The following ELAVL4 variants were observed in gnomAD, a reference collection of about 807,000 sequenced individuals.
ELAVL4 encodes the protein ELAV-like protein 4.
ELAVL4 carries 1 observed loss-of-function variant against 35.6 expected under a neutral mutation model. The ratio of observed to expected loss-of-function variants is 0.03; its 90% CI spans 0.01 to 0.13. The LOEUF is 0.13. Among genes scored for constraint, ELAVL4 ranks in the 10% least tolerant of loss-of-function variants. ELAVL4 has a pLI of 1.00. For missense variants in ELAVL4, 267 were observed against 464.9 expected (o/e 0.57, Z 3.91); for synonymous variants, 156 against 171.0 (o/e 0.91, Z 0.69).
intron 1 of ELAVL4, among the ~76,000 whole-genome samples, chr1:50,093,905 T>TA (rs1665601047): frequency 6.6e-6 from 1 of 152,244 alleles, no homozygotes; most frequent in Non-Finnish European, 1.5e-5. Flanking sequence ...TGATGTATGT[T>TA]ATTTAACCTC....
At chr1:50,100,410 G>A (rs564979024), upstream of ELAVL4, among the ~76,000 whole-genome samples, 39 of 152,246 alleles carry the variant, frequency 2.6e-4, no homozygotes, top group East Asian at 4.8e-3. Flanking sequence ...GCTAGGATGC[G>A]ATGGCTGTCA....
intron 2 of ELAVL4, among the ~76,000 whole-genome samples, chr1:50,148,636 C>T (rs960454871): frequency 2.6e-5 from 4 of 152,138 alleles, no homozygotes; most frequent in Non-Finnish European, 4.4e-5. Flanking sequence ...TGTGTACAGC[C>T]GTGACACATC....
At chr1:50,197,788 C>T (rs893638992) in intron 6 of ELAVL4, among the ~76,000 whole-genome samples, 10 of 152,260 alleles carry the variant, frequency 6.6e-5, no homozygotes, top group Non-Finnish European at 1.0e-4. Context: ...CGACTCTTTG[C>T]TGGCTGGTTT....
At chr1:50,065,914 C>T (rs1414164625) in intron 1 of ELAVL4, among the ~76,000 whole-genome samples, 1 of 152,006 alleles carries the variant, frequency 6.6e-6, no homozygotes, top group Non-Finnish European at 1.5e-5. Context: ...AGAAGGAGAA[C>T]CAGGGCTTGT....
intron 2 of ELAVL4, among the ~76,000 whole-genome samples, chr1:50,149,734 G>A (rs1674438298): frequency 6.6e-6 from 1 of 151,984 alleles, no homozygotes; most frequent in Admixed American, 6.6e-5. Flanking sequence ...AGTAGAGACA[G>A]GGTTTCACCA....
chr1:50,064,082 C>T (rs1230211946), intron 1 of ELAVL4, among the ~76,000 whole-genome samples: 1 of 152,118 alleles, frequency 6.6e-6, no homozygotes, highest in African/African-American at 2.4e-5. Flanking sequence ...CCAGGAGCAG[C>T]ATGGGTGTGT....
intron 2 of ELAVL4, among the ~76,000 whole-genome samples, chr1:50,168,751 G>A (rs1678429136): frequency 6.6e-6 from 1 of 151,956 alleles, no homozygotes; most frequent in Admixed American, 6.6e-5. Flanking sequence ...GCCAAAGACT[G>A]TCAATGTTCT....
intron 4 of ELAVL4, 34 bp from the exon 5 acceptor site, chr1:50,195,527 T>A (rs199572222): frequency 2.5e-4 from 410 of 1,609,182 alleles, no homozygotes; most frequent in Non-Finnish European, 3.4e-4. Context: ...TTTGGTGTGT[T>A]CACTCTTTAC....
At chr1:50,106,489 G>C, upstream of ELAVL4, 1 of 896,014 alleles carries the variant, frequency 1.1e-6, no homozygotes. Context: ...TCTTTCTGTG[G>C]TGGTGGATTG....
intron 1 of ELAVL4, among the ~76,000 whole-genome samples, chr1:50,075,293 G>A (rs538031687): frequency 1.3e-5 from 2 of 152,316 alleles, no homozygotes; most frequent in South Asian, 4.1e-4. Context: ...AAGGTTTTAA[G>A]CAGGGGAGCA....
intron 1 of ELAVL4, among the ~76,000 whole-genome samples, chr1:50,130,298 G>T (rs530832250): frequency 3.3e-5 from 5 of 152,266 alleles, no homozygotes; most frequent in Non-Finnish European, 7.4e-5. Flanking sequence ...GCACAAATTT[G>T]GTTTCAGCCT....
intron 3 of ELAVL4, chr1:50,180,892 G>C (rs902982913): frequency 6.6e-6 from 1 of 152,190 alleles, no homozygotes; most frequent in African/African-American, 2.4e-5. Flanking sequence ...CTAATTTATA[G>C]TGAGTATTCA....
rs767659549 is a variant in ELAVL4 at position 50,201,091 on chromosome 1, C to T, written c.1014C>T (p.Ala338=). ...CCATGACCAACTATGATGAGGCGGCCATGGCCATCGCCAGCCTCAACGGGT... is the reference window on the plus strand; with the variant it reads ...CCATGACCAACTATGATGAGGCGGCTATGGCCATCGCCAGCCTCAACGGGT... ...FVTMTNYDEA[A]MAIASLNGYR... is the part of the protein sequence containing the mutation. Residue 338 remains alanine, a synonymous_variant, in exon 7 of 7, where the codon GCC becomes GCT. Coordinates refer to ENST00000371824, the MANE Select transcript of ELAVL4 (RefSeq NM_001144774.3). This position sits in a 1 kb window ranked among gnomAD's most constrained non-coding sequence, Gnocchi z 4.3. The T allele has an allele frequency of 6.2e-7, 1 of 1,614,076 alleles. No homozygotes were observed. The highest frequency in any genetic ancestry group is 8.5e-7 in the Non-Finnish European group (1 of 1,179,990).
chr1:50,191,713 G>A (rs1682687758), intron 3 of ELAVL4, among the ~76,000 whole-genome samples: 1 of 152,136 alleles, frequency 6.6e-6, no homozygotes, highest in Non-Finnish European at 1.5e-5. Context: ...ATTAGAGAAA[G>A]CTGCCTAGAG....
chr1:50,128,913 A>C (rs7532622), intron 1 of ELAVL4, among the ~76,000 whole-genome samples: 5,314 of 152,092 alleles, frequency 0.035, 298 homozygotes, highest in African/African-American at 0.12. Flanking sequence ...AATATTGGCT[A>C]GTTAGCTTTA....
intron 1 of ELAVL4, among the ~76,000 whole-genome samples, chr1:50,054,735 T>C (rs1050202529): frequency 3.3e-5 from 5 of 152,324 alleles, no homozygotes; most frequent in African/African-American, 1.2e-4. Context: ...TGAGTATCTT[T>C]CATTTGCCCT....
At chr1:50,171,049 C>A (rs753512996) in intron 2 of ELAVL4, among the ~76,000 whole-genome samples, 7 of 152,064 alleles carry the variant, frequency 4.6e-5, no homozygotes, top group South Asian at 2.1e-4. Flanking sequence ...AACAAAAAAA[C>A]CCCACATACT....
intron 6 of ELAVL4, among the ~76,000 whole-genome samples, chr1:50,198,058 C>G (rs986299850): frequency 6.6e-6 from 1 of 152,226 alleles, no homozygotes; most frequent in Admixed American, 6.5e-5. Flanking sequence ...GTGTGCACCT[C>G]AACCAGGGGT....
intron 1 of ELAVL4, among the ~76,000 whole-genome samples, chr1:50,068,263 CAT>C (rs1664358041): frequency 6.6e-6 from 1 of 152,088 alleles, no homozygotes. Flanking sequence ...CATAACTAGA[CAT>C]GGGAGAATAA....
Sources: gnomAD v4.1 joint callset for allele counts (sites outside exome capture counted in the v4.1 genomes callset) on GRCh38, gnomAD v4.1.1 for gene constraint, Gnocchi (gnomAD v3.1) non-coding constraint, MANE v1.5 for transcripts, NCBI Gene and HGNC (gene_info 2026-07-23, HGNC 2026-07-21) for gene names.